YEATS2: variants seen among roughly 807,000 people sequenced by gnomAD.
The protein encoded by YEATS2 is YEATS domain-containing protein 2.
In YEATS2, 77 loss-of-function variants were observed where a neutral mutation model predicts 163.2. The observed-to-expected ratio is 0.47, with a 90% CI of 0.39 to 0.57. The LOEUF (loss-of-function observed/expected upper bound fraction) is 0.57, where lower values mean the gene tolerates loss of function less well. YEATS2 is among the 20% of genes least tolerant of loss of function. YEATS2 has a pLI of 0.00. For missense variants in YEATS2, 1,549 were observed against 1,729.8 expected, an observed-to-expected ratio of 0.90 and a Z score of 1.85; for synonymous variants, 631 against 645.1, an observed-to-expected ratio of 0.98 and a Z score of 0.33.
intron 8 of YEATS2, among the ~76,000 whole-genome samples, chr3:183,742,045 C>CA (rs35894648): frequency 0.23 from 29,131 of 125,150 alleles, 3,131 homozygotes; most frequent in East Asian, 0.33. Context: ...CTCATCTCTA[C>CA]AAAAAAAAAA....
At position 183,697,815 on chromosome 3, in the gene YEATS2, C is replaced by T. The variant is rs1402320204; in HGVS notation, c.-198C>T. 6.7e-6 allele frequency: 1 copy of T among 149,870 alleles called. No homozygotes were observed. Among genetic ancestry groups the T allele is most frequent in the Non-Finnish European group, 1.5e-5 (1 of 67,294 alleles). 9.3% of individuals were successfully genotyped at this position (149,870 alleles called of 1,614,324 possible). On this transcript the variant is annotated 5_prime_UTR_variant, in exon 1 of 31. It adds an upstream start codon to the 5' untranslated region. Coordinates refer to ENST00000305135, the MANE Select transcript of YEATS2 (RefSeq NM_018023.5). Reference sequence around the variant, plus strand: ...GCGCCCCGACGCGCCCAGCTGCTGACGTGCGGGGCGGAACGCGCCGGGCGG... The same window carrying T: ...GCGCCCCGACGCGCCCAGCTGCTGATGTGCGGGGCGGAACGCGCCGGGCGG...
intron 19 of YEATS2, among the ~76,000 whole-genome samples, chr3:183,778,732 G>GAT (rs2108422156): frequency 6.6e-6 from 1 of 152,154 alleles, no homozygotes; most frequent in Non-Finnish European, 1.5e-5. Context: ...GGATAATACT[G>GAT]GCCTCATAAA....
chr3:183,772,779 C>CACACACACA (rs555324921), intron 16 of YEATS2, among the ~76,000 whole-genome samples: 36 of 147,270 alleles, frequency 2.4e-4, no homozygotes, highest in Admixed American at 4.1e-4. Context: ...ACACACACAC[C>CACACACACA]CACATACACA....
intron 15 of YEATS2, among the ~76,000 whole-genome samples, chr3:183,767,911 G>A (rs1273202063): frequency 6.6e-6 from 1 of 152,232 alleles, no homozygotes; most frequent in East Asian, 1.9e-4. Context: ...CAAGTCAGGT[G>A]CATGTAATGT....
In YEATS2 at chr3:183,752,216, G is replaced by A; in HGVS notation, c.1113G>A (p.Gln371=). The A allele has an allele frequency of 6.2e-7, 1 of 1,614,148 alleles. No homozygotes were observed. Among genetic ancestry groups the A allele is most frequent in the East Asian group, 2.2e-5 (1 of 44,880 alleles). Residue 371 remains glutamine (Q), a synonymous_variant, in exon 10 of 31, where the codon CAG becomes CAA. Coordinates refer to ENST00000305135, the MANE Select transcript of YEATS2 (RefSeq NM_018023.5). ...APVKASSPIK[Q]SHEPVPDTSV... Reference sequence around the variant, plus strand: ...TGAAAGCTTCTTCACCAATAAAGCAGTCACATGAGCCAGTACCCGATACCT... The same window carrying A: ...TGAAAGCTTCTTCACCAATAAAGCAATCACATGAGCCAGTACCCGATACCT...
At chr3:183,711,366 G>A (rs939962736) in intron 1 of YEATS2, among the ~76,000 whole-genome samples, 9 of 151,704 alleles carry the variant, frequency 5.9e-5, no homozygotes, top group East Asian at 1.9e-4. Context: ...CCAGCTACTC[G>A]GGAGGCTGAG....
intron 5 of YEATS2, among the ~76,000 whole-genome samples, chr3:183,723,353 T>G (rs916574901): frequency 2.6e-5 from 4 of 152,188 alleles, no homozygotes; most frequent in Admixed American, 1.3e-4. Flanking sequence ...ATACAGAAAA[T>G]TTCCAAGTTA....
intron 7 of YEATS2, among the ~76,000 whole-genome samples, chr3:183,730,045 TTTGTTTG>T (rs1233301523): frequency 1.4e-5 from 1 of 69,428 alleles, no homozygotes; most frequent in Non-Finnish European, 2.8e-5. Context: ...TGTGTGGTTT[TTTGTTTG>T]TTTTTTTTTT....
At chr3:183,768,547 T>G (rs1722141572) in intron 15 of YEATS2, among the ~76,000 whole-genome samples, 1 of 152,194 alleles carries the variant, frequency 6.6e-6, no homozygotes, top group South Asian at 2.1e-4. Context: ...AAGGGTTTTT[T>G]TTTTCTTTCA....
At chr3:183,800,039 A>C (rs1291457999) in intron 23 of YEATS2, among the ~76,000 whole-genome samples, 1 of 151,792 alleles carries the variant, frequency 6.6e-6, no homozygotes, top group African/African-American at 2.4e-5. Context: ...TCACCATGTT[A>C]GCCAGGATGG....
intron 20 of YEATS2, among the ~76,000 whole-genome samples, chr3:183,786,846 C>G (rs73040677): frequency 0.017 from 2,516 of 152,244 alleles, 50 homozygotes; most frequent in African/African-American, 0.058. Flanking sequence ...TACTTTTTGA[C>G]TGTTGTGAAT....
At chr3:183,806,153 C>T in intron 27 of YEATS2, 2 of 378,536 alleles carry the variant, frequency 5.3e-6, no homozygotes, top group South Asian at 2.0e-5. Flanking sequence ...CAGATAAGGC[C>T]ATCGTAAGTT....
rs757784969 is a variant in YEATS2, at chr3:183,804,187, C to T, written c.3783C>T (p.Pro1261=). 25 of 1,613,976 alleles carry T rather than the reference C, an allele frequency of 1.5e-5. No homozygotes were observed. Among genetic ancestry groups the T allele is most frequent in the Middle Eastern group, 1.6e-4 (1 of 6,072 alleles). Reference sequence around the variant, plus strand: ...TGCTGACCCAGATCGACAGCGAGCCCGGTAAGCCTTCAGTGGCACTGCCCA... The same window carrying T: ...TGCTGACCCAGATCGACAGCGAGCCTGGTAAGCCTTCAGTGGCACTGCCCA... ...EDVLTQIDSE[P]ECPSSFSSAD... The change falls in exon 27 of 31, where the codon CCC becomes CCT. Residue 1261 remains proline (P), a splice_region_variant and synonymous_variant. Transcript: ENST00000305135.
At chr3:183,751,968 A>C in intron 9 of YEATS2, 105 bp from the exon 10 acceptor site, 1 of 1,269,212 alleles carries the variant, frequency 7.9e-7, no homozygotes, top group South Asian at 1.3e-5. Flanking sequence ...AAGTGTGATT[A>C]GAAGTTATCT....
In YEATS2 at chr3:183,779,168, G is replaced by A. The variant is rs1486613779; in HGVS notation, c.2736+1468G>A. Among the ~76,000 whole-genome samples, 5 of 151,826 alleles carry A rather than the reference G, an allele frequency of 3.3e-5. No individual in the cohort carries two copies. The South Asian group carries it at 8.3e-4, about 25-fold the overall frequency. Reference sequence around the variant, plus strand: ...TCGTGGTCTGCCCGCCTCGGCCTCCGAAAGTTCTGGGATTACAGGCACAAG... The same window carrying A: ...TCGTGGTCTGCCCGCCTCGGCCTCCAAAAGTTCTGGGATTACAGGCACAAG... On this transcript the variant is annotated intron_variant, in intron 19 of 30. Transcript: ENST00000305135.
At position 183,761,480 on chromosome 3, in the gene YEATS2, G is replaced by T. The variant is rs143744957; in HGVS notation, c.1657-27G>T. ...CTGAAATCACCCATTTCTCCTGATT[G>T]TAAAATATGTATTTTTACACACACA... On this transcript the variant is annotated intron_variant, in intron 13 of 30. Transcript: ENST00000305135. The T allele has an allele frequency of 1.5e-4, 232 of 1,587,140 alleles. 2 individuals carry two copies. In the Admixed American group the frequency reaches 3.8e-3, roughly 26 times the overall value.
At chr3:183,804,967 C>A (rs1302590544) in intron 27 of YEATS2, among the ~76,000 whole-genome samples, 1 of 150,824 alleles carries the variant, frequency 6.6e-6, no homozygotes, top group African/African-American at 2.4e-5. Flanking sequence ...CCAGCCTGGG[C>A]AACAGAGCAA....
At chr3:183,710,035 A>G (rs1343690537) in intron 1 of YEATS2, among the ~76,000 whole-genome samples, 1 of 152,178 alleles carries the variant, frequency 6.6e-6, no homozygotes, top group Non-Finnish European at 1.5e-5. Context: ...TTTTAGTCGC[A>G]GCGTTACATT....
At chr3:183,717,553 A>G (rs574621703) in intron 2 of YEATS2, 98 bp from the exon 3 acceptor site, 76 of 880,248 alleles carry the variant, frequency 8.6e-5, no homozygotes, top group Non-Finnish European at 1.2e-4. Flanking sequence ...TCCACTTTAG[A>G]GTTACTATTT....
Sources: allele counts gnomAD v4.1 joint callset (sites outside exome capture counted in the v4.1 genomes callset), GRCh38; gene constraint gnomAD v4.1.1; transcripts MANE v1.5; gene names NCBI Gene and HGNC (gene_info 2026-07-23, HGNC 2026-07-21).